STX18: variants seen among roughly 807,000 people sequenced by gnomAD.
STX18 encodes syntaxin 18.
In STX18, 40 loss-of-function variants were observed where a neutral mutation model predicts 50.1. The observed-to-expected ratio is 0.80, with a 90% CI of 0.62 to 1.04. The LOEUF (loss-of-function observed/expected upper bound fraction) is 1.04. Ranked by LOEUF, STX18 falls within the 50% of genes least tolerant of loss-of-function variation. STX18 has a pLI of 0.00. For missense variants in STX18, 410 were observed against 415.8 expected (o/e 0.99, Z 0.12); for synonymous variants, 158 against 151.8 (o/e 1.04, Z -0.30).
chr4:4,476,207 G>A (rs1728167163), intron 1 of STX18: 1 of 152,214 alleles, frequency 6.6e-6, no homozygotes, highest in Non-Finnish European at 1.5e-5. Context: ...TATTAAATAT[G>A]TCTCCATCAG....
intron 5 of STX18, among the ~76,000 whole-genome samples, chr4:4,453,248 C>T (rs539193501): frequency 6.6e-6 from 1 of 152,330 alleles, no homozygotes; most frequent in East Asian, 1.9e-4. Context: ...AACAGCACTG[C>T]ACACAATAGA....
chr4:4,431,829 C>T (rs897641970), intron 7 of STX18, among the ~76,000 whole-genome samples: 9 of 152,176 alleles, frequency 5.9e-5, no homozygotes, highest in Admixed American at 3.3e-4. Flanking sequence ...CTCAACACTA[C>T]CTTCACTGCC....
chr4:4,527,491 T>A (rs1730824192), intron 1 of STX18, among the ~76,000 whole-genome samples: 1 of 152,126 alleles, frequency 6.6e-6, no homozygotes, highest in Non-Finnish European at 1.5e-5. Context: ...TCCCTTTTAA[T>A]ATTAGGTATG....
intron 1 of STX18, among the ~76,000 whole-genome samples, chr4:4,531,894 C>T (rs964830414): frequency 6.6e-6 from 1 of 152,070 alleles, no homozygotes; most frequent in Non-Finnish European, 1.5e-5. Flanking sequence ...TTTTAAGAGG[C>T]TATGATAAAT....
chr4:4,541,659 T>C, intron 1 of STX18, 138 bp downstream of exon 1: 2 of 925,420 alleles, frequency 2.2e-6, no homozygotes, highest in South Asian at 4.1e-5. Context: ...GTAGGGTCTC[T>C]GAGGCCAACT....
At chr4:4,423,493 A>G in intron 9 of STX18, 25 bp downstream of exon 9, 1 of 1,610,612 alleles carries the variant, frequency 6.2e-7, no homozygotes. Flanking sequence ...GAAAACATAC[A>G]GCTCCTTTGT....
At chr4:4,541,023 C>G (rs1226565189) in intron 1 of STX18, among the ~76,000 whole-genome samples, 2 of 152,136 alleles carry the variant, frequency 1.3e-5, no homozygotes, top group African/African-American at 2.4e-5. Flanking sequence ...CTTGGTGTCA[C>G]GAACACAAAA....
chr4:4,431,951 G>A (rs1348790996), intron 7 of STX18, among the ~76,000 whole-genome samples: 1 of 152,134 alleles, frequency 6.6e-6, no homozygotes, highest in Non-Finnish European at 1.5e-5. Context: ...GCACCTCGAG[G>A]GCCTAGGTCC....
chr4:4,483,842 A>T (rs1270497309), intron 1 of STX18, among the ~76,000 whole-genome samples: 1 of 151,992 alleles, frequency 6.6e-6, no homozygotes, highest in East Asian at 1.9e-4. Context: ...CAAGCTAATC[A>T]TTCCCAATCC....
At chr4:4,516,668 T>C (rs1000888370) in intron 1 of STX18, among the ~76,000 whole-genome samples, 3 of 152,240 alleles carry the variant, frequency 2.0e-5, no homozygotes, top group Non-Finnish European at 4.4e-5. Flanking sequence ...CTGAATAATT[T>C]ATAAAACAAT....
intron 1 of STX18, among the ~76,000 whole-genome samples, chr4:4,501,285 T>C (rs1396643219): frequency 6.6e-6 from 1 of 152,154 alleles, no homozygotes; most frequent in Non-Finnish European, 1.5e-5. Context: ...TATAGCCACA[T>C]TTTTGCGACA....
In STX18 at chr4:4,498,045, G is replaced by A. The variant is rs200549933; in HGVS notation, c.169-26339C>T. Among the ~76,000 whole-genome samples, 10 of 152,100 alleles carry A rather than the reference G, an allele frequency of 6.6e-5. No individual in the cohort carries two copies. In the East Asian group the frequency reaches 1.3e-3, roughly 20 times the overall value. On this transcript the variant is annotated intron_variant, in intron 1 of 10. Coordinates refer to ENST00000306200, the MANE Select transcript of STX18 (RefSeq NM_016930.4). ...AGTGGGCGATGTTGTGTTTTCCTTC[G>A]TACTAAAAACAGTCACATAAGACTT...
intron 1 of STX18, among the ~76,000 whole-genome samples, chr4:4,514,966 G>C (rs1396101720): frequency 6.6e-6 from 1 of 152,100 alleles, no homozygotes; most frequent in South Asian, 2.1e-4. Flanking sequence ...ACAGGAAGGA[G>C]GGAAGGAAAT....
Position 4,540,738 on chromosome 4 carries a change from C to G in STX18, c.168+1059G>C, listed in dbSNP as rs550819422. ...CGGTCATCAATAGGGCGAGTGTATT[C>G]ATCTGGTCCAATCCCCTTTCTAATG... is the stretch of plus-strand genomic sequence containing the variant. On this transcript the variant is annotated intron_variant, in intron 1 of 10. Transcript: ENST00000306200. Among the ~76,000 whole-genome samples, 5 of 152,300 alleles carry G rather than the reference C, an allele frequency of 3.3e-5. No homozygotes were observed. The South Asian group carries it at 1.0e-3, about 32-fold the overall frequency.
intron 1 of STX18, among the ~76,000 whole-genome samples, chr4:4,482,743 T>C (rs954073779): frequency 6.6e-6 from 1 of 152,172 alleles, no homozygotes; most frequent in East Asian, 1.9e-4. Context: ...CAACTTCTAC[T>C]CAAAATTGCA....
chr4:4,458,122 T>A (rs1727179394), intron 3 of STX18, among the ~76,000 whole-genome samples: 2 of 152,246 alleles, frequency 1.3e-5, no homozygotes, highest in African/African-American at 4.8e-5. Context: ...TGCGTGCAGG[T>A]ACTCTGCTAG....
At chr4:4,424,640 T>C (rs1232420601) in intron 8 of STX18, among the ~76,000 whole-genome samples, 1 of 152,162 alleles carries the variant, frequency 6.6e-6, no homozygotes, top group African/African-American at 2.4e-5. Context: ...CTCTGCAAAG[T>C]CCTGGGCCTT....
chr4:4,457,255 C>T lies in STX18; in HGVS notation c.433G>A (p.Val145Ile). 1.2e-6 allele frequency: 2 copies of T among 1,613,986 alleles called. No homozygotes were observed. Among genetic ancestry groups the T allele is most frequent in the South Asian group, 1.1e-5 (1 of 91,074 alleles). The part of the protein sequence containing the change: ...LDFIEDYLKR[V>I]CKLYSEQRAI... ...CTCTGTTCTGAGTAAAGTTTACATA[C>T]TCCTGTTGCAGAAGAAAATACCAGA... The change falls in exon 5 of 11, where the codon GTA (valine) becomes ATA (isoleucine). Residue 145 changes from valine to isoleucine, a missense_variant and splice_region_variant. Physicochemically the swap from Val to Ile is conservative, Grantham distance 29. Transcript: ENST00000306200.
At chr4:4,423,472 C>G in intron 9 of STX18, 46 bp downstream of exon 9, 1 of 1,580,862 alleles carries the variant, frequency 6.3e-7, no homozygotes, top group Non-Finnish European at 8.7e-7. Flanking sequence ...CAAGTACATT[C>G]CCCTTTGAGT....
Sources: allele counts gnomAD v4.1 joint callset (sites outside exome capture counted in the v4.1 genomes callset), GRCh38; gene constraint gnomAD v4.1.1; transcripts MANE v1.5; gene names NCBI Gene and HGNC (gene_info 2026-07-23, HGNC 2026-07-21).